The following ZMYND11 variants were observed in gnomAD, a reference collection of about 807,000 sequenced individuals.
The protein encoded by ZMYND11 is zinc finger MYND-type containing 11, also known as zinc finger MYND domain-containing protein 11.
In ZMYND11, 9 loss-of-function variants were observed where a neutral mutation model predicts 84.9. The observed-to-expected ratio is 0.11, with a 90% CI of 0.06 to 0.18. ZMYND11 has a LOEUF of 0.18. Among genes scored for constraint, ZMYND11 ranks in the 10% least tolerant of loss-of-function variants. The probability of loss-of-function intolerance (pLI) is 1.00; values close to 1 mark genes in which losing one functional copy is unlikely to be tolerated. For missense variants in ZMYND11, 409 were observed against 761.0 expected, an observed-to-expected ratio of 0.54 and a Z score of 5.44; for synonymous variants, 250 against 244.1, an observed-to-expected ratio of 1.02 and a Z score of -0.23.
At chr10:217,854 G>A (rs1018188096) in intron 3 of ZMYND11, among the ~76,000 whole-genome samples, 2 of 152,142 alleles carry the variant, frequency 1.3e-5, no homozygotes, top group African/African-American at 4.8e-5. Flanking sequence ...CGAATGCCAG[G>A]GCCAGGATTT....
At chr10:186,404 A>G (rs1938447335) in intron 2 of ZMYND11, among the ~76,000 whole-genome samples, 1 of 151,840 alleles carries the variant, frequency 6.6e-6, no homozygotes, top group Non-Finnish European at 1.5e-5. Context: ...GCACTTAGGG[A>G]GACCGAGGCA....
intron 2 of ZMYND11, among the ~76,000 whole-genome samples, chr10:198,441 G>A (rs974311910): frequency 6.6e-6 from 1 of 151,998 alleles, no homozygotes; most frequent in Non-Finnish European, 1.5e-5. Flanking sequence ...GAAAGGAAGG[G>A]ATTTTTTGGT....
chr10:159,394 G>A (rs11250548), intron 1 of ZMYND11, among the ~76,000 whole-genome samples: 1 of 152,164 alleles, frequency 6.6e-6, no homozygotes, highest in African/African-American at 2.4e-5. Flanking sequence ...GCAGCCTGTA[G>A]AGCAGAGTAC....
At chr10:140,105 A>C (rs1018789661) in intron 1 of ZMYND11, among the ~76,000 whole-genome samples, 8 of 152,136 alleles carry the variant, frequency 5.3e-5, no homozygotes, top group Admixed American at 2.6e-4. Flanking sequence ...TCCCAGACAC[A>C]CACACACACA....
chr10:163,465 A>G (rs1588566169), intron 1 of ZMYND11, among the ~76,000 whole-genome samples: 2 of 151,422 alleles, frequency 1.3e-5, no homozygotes, highest in Admixed American at 6.6e-5. Context: ...TTTTTGTTCT[A>G]CTTTTTGGGA....
At chr10:190,103 G>C (rs1939933637) in intron 2 of ZMYND11, among the ~76,000 whole-genome samples, 1 of 152,172 alleles carries the variant, frequency 6.6e-6, no homozygotes, top group African/African-American at 2.4e-5. Context: ...TTTGAATGTA[G>C]AAATGGTAAA....
intron 2 of ZMYND11, among the ~76,000 whole-genome samples, chr10:199,507 G>A (rs750459161): frequency 6.6e-5 from 10 of 152,040 alleles, no homozygotes; most frequent in Non-Finnish European, 1.2e-4. Context: ...CAGCTCTCTT[G>A]CAGTCTTGAC....
chr10:160,124 T>C (rs1311640001), intron 1 of ZMYND11, among the ~76,000 whole-genome samples: 4 of 152,230 alleles, frequency 2.6e-5, no homozygotes, highest in African/African-American at 9.6e-5. Context: ...GAAGCTGATA[T>C]GTATACAGGC....
chr10:236,962 T>C (rs774370117), intron 5 of ZMYND11, 47 bp downstream of exon 5: 2 of 1,532,908 alleles, frequency 1.3e-6, no homozygotes, highest in South Asian at 1.2e-5. Context: ...AAACACATTT[T>C]ACTATGGTTC....
chr10:174,967 T>TGGCACATGCTTGTCATTCATACGTTGG (rs2131701864), intron 1 of ZMYND11, among the ~76,000 whole-genome samples: 1 of 151,046 alleles, frequency 6.6e-6, no homozygotes, highest in South Asian at 2.1e-4. Flanking sequence ...GGCACTACAG[T>TGGCACATGCTTGTCATTCATACGTTGG]GGCACATGCT....
chr10:180,153 C>T (rs760910271), intron 2 of ZMYND11, 25 bp downstream of exon 2: 10 of 1,580,122 alleles, frequency 6.3e-6, no homozygotes, highest in Admixed American at 3.4e-5. Flanking sequence ...ACACAAATAT[C>T]TCTGTAAAAT....
intron 2 of ZMYND11, among the ~76,000 whole-genome samples, chr10:183,806 G>A (rs1848375588): frequency 6.6e-6 from 1 of 152,158 alleles, no homozygotes; most frequent in South Asian, 2.1e-4. Flanking sequence ...TGGAGCCTGT[G>A]CAGTGCTGGC....
At chr10:192,313 G>A (rs1170680282) in intron 2 of ZMYND11, among the ~76,000 whole-genome samples, 4 of 152,156 alleles carry the variant, frequency 2.6e-5, no homozygotes, top group African/African-American at 2.4e-5. Flanking sequence ...TTTTGCATCC[G>A]TGATATCATT....
At chr10:227,079 C>G (rs541951646) in intron 4 of ZMYND11, among the ~76,000 whole-genome samples, 85 of 152,198 alleles carry the variant, frequency 5.6e-4, no homozygotes, top group Admixed American at 9.2e-4. Flanking sequence ...TGTAGAAACA[C>G]AAGAAAATGC....
intron 9 of ZMYND11, 53 bp from the exon 10 acceptor site, chr10:241,968 T>TTGCATTTAATACTTTAAAAGTAA: frequency 1.3e-6 from 2 of 1,582,752 alleles, no homozygotes; most frequent in Non-Finnish European, 1.7e-6. Flanking sequence ...AATGGTACAC[T>TTGCATTTAATACTTTAAAAGTAA]TGCATTTAAT....
upstream of ZMYND11, among the ~76,000 whole-genome samples, chr10:133,253 C>A (rs2130991569): frequency 6.6e-6 from 1 of 152,298 alleles, no homozygotes; most frequent in African/African-American, 2.4e-5. Context: ...TTGAATGTGT[C>A]ATTACTAGTG....
intron 1 of ZMYND11, among the ~76,000 whole-genome samples, chr10:147,505 G>A (rs1839177682): frequency 6.6e-6 from 1 of 151,506 alleles, no homozygotes; most frequent in Non-Finnish European, 1.5e-5. Flanking sequence ...GTGGGCAGAG[G>A]TATATGTGCC....
At chr10:131,748 G>A (rs1477202559), upstream of ZMYND11, among the ~76,000 whole-genome samples, 5 of 151,478 alleles carry the variant, frequency 3.3e-5, no homozygotes, top group Non-Finnish European at 7.4e-5. Context: ...GGCTGTTCTC[G>A]AACTCCTGGC....
intron 6 of ZMYND11, among the ~76,000 whole-genome samples, chr10:238,395 C>T (rs183934886): frequency 5.3e-5 from 8 of 151,792 alleles, no homozygotes; most frequent in East Asian, 1.9e-4. Flanking sequence ...CTCACTCTGT[C>T]GCCCAGGCTG....
Sources: allele counts gnomAD v4.1 joint callset (sites outside exome capture counted in the v4.1 genomes callset), GRCh38; gene constraint gnomAD v4.1.1; transcripts MANE v1.5; gene names NCBI Gene and HGNC (gene_info 2026-07-23, HGNC 2026-07-21).